The following URI1 variants were observed in gnomAD, a reference collection of about 807,000 sequenced individuals.
The protein encoded by URI1 is URI1 prefoldin like chaperone, also known as unconventional prefoldin RPB5 interactor 1.
In URI1, 39 loss-of-function variants were observed where a neutral mutation model predicts 60.2. The observed-to-expected ratio is 0.65, with a 90% confidence interval of 0.50 to 0.85. URI1 has a LOEUF of 0.85. Among genes scored for constraint, URI1 ranks in the 40% least tolerant of loss-of-function variants. The probability of loss-of-function intolerance (pLI) is 0.00; values close to 1 mark genes in which losing one functional copy is unlikely to be tolerated. For missense variants in URI1, 691 were observed against 665.9 expected (o/e 1.04, Z -0.42); for synonymous variants, 251 against 236.8 (o/e 1.06, Z -0.55).
intron 2 of URI1, among the ~76,000 whole-genome samples, chr19:29,981,269 A>AT (rs919501999): frequency 1.4e-4 from 22 of 151,952 alleles, no homozygotes; most frequent in African/African-American, 4.6e-4. Context: ...CCGTTAATCC[A>AT]TTTTTTTCTG....
At chr19:29,945,204 A>G (rs550511325) in intron 1 of URI1, among the ~76,000 whole-genome samples, 57 of 152,318 alleles carry the variant, frequency 3.7e-4, no homozygotes, top group African/African-American at 1.2e-3. Flanking sequence ...AGATGCAGAG[A>G]GAGAAATGAG....
chr19:29,965,834 G>A (rs928461794), intron 1 of URI1, among the ~76,000 whole-genome samples: 1 of 152,172 alleles, frequency 6.6e-6, no homozygotes, highest in Non-Finnish European at 1.5e-5. Context: ...ACAAGGGAGG[G>A]AGATGTATAG....
intron 4 of URI1, among the ~76,000 whole-genome samples, chr19:29,993,125 A>C (rs2055766906): frequency 6.6e-6 from 1 of 152,132 alleles, no homozygotes; most frequent in African/African-American, 2.4e-5. Context: ...TCATTTTTAC[A>C]ATAAAGTTAT....
chr19:29,956,966 T>C, intron 1 of URI1: 2 of 907,630 alleles, frequency 2.2e-6, no homozygotes, highest in East Asian at 2.4e-5. Context: ...GTCAACAGTC[T>C]GATTGCTGAG....
intron 1 of URI1, among the ~76,000 whole-genome samples, chr19:29,954,103 A>C (rs904301371): frequency 6.6e-6 from 1 of 152,192 alleles, no homozygotes; most frequent in Non-Finnish European, 1.5e-5. Context: ...TCATAGTGAA[A>C]ACCTTGGTTC....
At chr19:29,944,174 T>TTC (rs1391314902) in intron 1 of URI1, among the ~76,000 whole-genome samples, 2 of 96,800 alleles carry the variant, frequency 2.1e-5, no homozygotes, top group Non-Finnish European at 4.0e-5. Context: ...TATATATATA[T>TTC]ATATATATAT....
At chr19:29,992,704 TAGAG>T (rs1291971567) in intron 4 of URI1, among the ~76,000 whole-genome samples, 1 of 152,204 alleles carries the variant, frequency 6.6e-6, no homozygotes, top group African/African-American at 2.4e-5. Context: ...TTTTTTACGT[TAGAG>T]AGCAATTTTT....
intron 6 of URI1, 110 bp from the exon 7 acceptor site, chr19:30,007,360 C>A: frequency 8.3e-7 from 1 of 1,203,274 alleles, no homozygotes; most frequent in Non-Finnish European, 1.1e-6. Flanking sequence ...AAATTGTGAC[C>A]CCTCTGTTTC....
chr19:29,930,833 GA>G (rs1180636150), intron 1 of URI1, among the ~76,000 whole-genome samples: 1 of 151,014 alleles, frequency 6.6e-6, no homozygotes, highest in Non-Finnish European at 1.5e-5. Context: ...TAGTAGACAG[GA>G]ATACTACTAA....
At chr19:29,999,110 T>C (rs2055847189) in intron 4 of URI1, among the ~76,000 whole-genome samples, 1 of 152,196 alleles carries the variant, frequency 6.6e-6, no homozygotes, top group Non-Finnish European at 1.5e-5. Context: ...TTATATTATT[T>C]GTGTCACAAA....
chr19:30,006,516 A>G (rs77513761), intron 6 of URI1, among the ~76,000 whole-genome samples: 3,726 of 152,206 alleles, frequency 0.024, 156 homozygotes, highest in African/African-American at 0.085. Context: ...GAAAGACAAG[A>G]TTTTTGTTTG....
chr19:29,952,566 G>A (rs984681482), intron 1 of URI1, among the ~76,000 whole-genome samples: 25 of 151,828 alleles, frequency 1.6e-4, no homozygotes, highest in Admixed American at 1.6e-3. Flanking sequence ...CAGAATGCCT[G>A]CTTTAAGAAC....
intron 4 of URI1, among the ~76,000 whole-genome samples, chr19:29,989,253 G>C (rs2055712701): frequency 1.3e-5 from 2 of 151,684 alleles, no homozygotes; most frequent in Non-Finnish European, 2.9e-5. Context: ...TGGGATTACA[G>C]ACATGCGCCA....
At chr19:29,994,841 G>A (rs2055791607) in intron 4 of URI1, among the ~76,000 whole-genome samples, 1 of 151,390 alleles carries the variant, frequency 6.6e-6, no homozygotes, top group Non-Finnish European at 1.5e-5. Flanking sequence ...GAGTGCAGTG[G>A]TGCAATCTTG....
intron 1 of URI1, among the ~76,000 whole-genome samples, chr19:29,957,287 T>G (rs905337829): frequency 1.7e-5 from 2 of 116,578 alleles, no homozygotes; most frequent in South Asian, 5.9e-4. Context: ...TTGGTTTCTT[T>G]ATAGCCGCTT....
intron 2 of URI1, among the ~76,000 whole-genome samples, chr19:29,979,124 GC>G (rs2055561493): frequency 6.6e-6 from 1 of 152,096 alleles, no homozygotes; most frequent in Non-Finnish European, 1.5e-5. Flanking sequence ...GTGTAAAGTA[GC>G]AAAACCTATG....
In URI1 at chr19:29,926,278, TCCTTCCTA is replaced by T. The variant is rs1287483252; in HGVS notation, c.63+2530_63+2537del. On this transcript the variant is annotated intron_variant, in intron 1 of 10. Transcript: ENST00000360605. ...TTCCTTCCTTCCTTCCTTCCTTCCT[TCCTTCCTA>T]CCTTCTTTCCTTCAACAGAATCTTA... Among the ~76,000 whole-genome samples, 15 of 138,816 alleles carry T rather than the reference TCCTTCCTA, an allele frequency of 1.1e-4. No individual in the cohort carries two copies. The South Asian group carries it at 2.7e-3, about 25-fold the overall frequency. 91.1% of individuals were successfully genotyped at this position (138,816 alleles called of 152,430 possible).
chr19:29,974,109 A>C (rs183277181), intron 2 of URI1, among the ~76,000 whole-genome samples: 78 of 152,216 alleles, frequency 5.1e-4, no homozygotes, highest in Non-Finnish European at 6.2e-4. Context: ...CCTGTCATTT[A>C]CTAGCGTTTT....
At chr19:29,964,658 C>T (rs2055369747) in intron 1 of URI1, among the ~76,000 whole-genome samples, 1 of 151,682 alleles carries the variant, frequency 6.6e-6, no homozygotes, top group Non-Finnish European at 1.5e-5. Context: ...GATAGGGCTT[C>T]ACCATCTTGG....
Sources: allele counts gnomAD v4.1 joint callset (sites outside exome capture counted in the v4.1 genomes callset), GRCh38; gene constraint gnomAD v4.1.1; transcripts MANE v1.5; gene names NCBI Gene and HGNC (gene_info 2026-07-23, HGNC 2026-07-21).